GPC5: variants seen among roughly 807,000 people sequenced by gnomAD.
GPC5 encodes glypican 5.
Under a neutral mutation model 53.9 loss-of-function variants are expected in GPC5, and 47 were observed. The ratio of observed to expected loss-of-function variants is 0.87; its 90% CI spans 0.69 to 1.11. GPC5 has a LOEUF of 1.11. Among genes scored for constraint, GPC5 ranks in the 50% most tolerant of loss-of-function variants. The probability of loss-of-function intolerance (pLI) is 0.00; values close to 1 mark genes in which losing one functional copy is unlikely to be tolerated. For synonymous variants in GPC5, 286 were observed against 263.3 expected, an observed-to-expected ratio of 1.09 and a Z score of -0.84; for missense variants, 748 against 713.1, an observed-to-expected ratio of 1.05 and a Z score of -0.56.
chr13:92,592,462 C>T (rs1446414924), intron 7 of GPC5, among the ~76,000 whole-genome samples: 1 of 151,168 alleles, frequency 6.6e-6, no homozygotes, highest in Non-Finnish European at 1.5e-5. Flanking sequence ...ATGTCTAGTC[C>T]CTGCCAGGCA....
At position 92,699,755 on chromosome 13, in the gene GPC5, TC is replaced by T. The variant is rs1244152232; in HGVS notation, c.1562-166525del. Among the ~76,000 whole-genome samples the T allele has an allele frequency of 6.6e-5, 10 of 152,320 alleles. No homozygotes were observed. In the East Asian group the frequency reaches 1.9e-3, roughly 29 times the overall value. On this transcript the variant is annotated intron_variant, in intron 7 of 7. Coordinates refer to ENST00000377067, the MANE Select transcript of GPC5 (RefSeq NM_004466.6). ...GTGCAATTTTGAGTGAGTTTCTTAA[TC>T]CTGAGTTCTAATTTGATTGCACTGT... is the stretch of plus-strand genomic sequence containing the variant.
chr13:92,355,022 T>C (rs1251855935), intron 7 of GPC5, among the ~76,000 whole-genome samples: 1 of 151,408 alleles, frequency 6.6e-6, no homozygotes, highest in Non-Finnish European at 1.5e-5. Context: ...TAATTTAATA[T>C]TTAATAATCT....
At chr13:91,567,157 A>G (rs1014371016) in intron 2 of GPC5, among the ~76,000 whole-genome samples, 1 of 152,144 alleles carries the variant, frequency 6.6e-6, no homozygotes, top group African/African-American at 2.4e-5. Context: ...TACAGACTGA[A>G]TAGTTCAAAT....
chr13:91,492,561 C>G (rs1883998444), intron 2 of GPC5, among the ~76,000 whole-genome samples: 1 of 152,248 alleles, frequency 6.6e-6, no homozygotes, highest in Admixed American at 6.5e-5. Context: ...TCTTTTTGGT[C>G]TATTTAGTCC....
intron 2 of GPC5, among the ~76,000 whole-genome samples, chr13:91,476,643 G>A (rs2139198324): frequency 6.6e-6 from 1 of 152,260 alleles, no homozygotes; most frequent in South Asian, 2.1e-4. Flanking sequence ...TCCGTAAAAG[G>A]TATGCTCAGG....
intron 2 of GPC5, among the ~76,000 whole-genome samples, chr13:91,661,305 G>T (rs571855899): frequency 1.3e-5 from 2 of 152,294 alleles, no homozygotes; most frequent in African/African-American, 4.8e-5. Flanking sequence ...CAGCATTTTA[G>T]AATTGTTTTT....
intron 5 of GPC5, among the ~76,000 whole-genome samples, chr13:91,838,165 A>C (rs894066707): frequency 6.6e-6 from 1 of 152,136 alleles, no homozygotes; most frequent in African/African-American, 2.4e-5. Flanking sequence ...TGTGGATGAA[A>C]CTGAAAGTTT....
At chr13:92,228,981 T>C (rs567981328) in intron 7 of GPC5, among the ~76,000 whole-genome samples, 2 of 152,274 alleles carry the variant, frequency 1.3e-5, no homozygotes, top group South Asian at 2.1e-4. Context: ...AAGAATGATA[T>C]AAATTTTAAA....
intron 2 of GPC5, among the ~76,000 whole-genome samples, chr13:91,470,912 T>G (rs1179501136): frequency 6.6e-6 from 1 of 152,144 alleles, no homozygotes; most frequent in East Asian, 1.9e-4. Context: ...TCAGACAATT[T>G]CCCTTTCTCA....
chr13:91,639,753 G>A (rs996249817), intron 2 of GPC5, among the ~76,000 whole-genome samples: 2 of 152,142 alleles, frequency 1.3e-5, no homozygotes, highest in African/African-American at 4.8e-5. Context: ...TCTTCATTGT[G>A]TTCCTATTCA....
At chr13:91,760,232 A>G (rs1323361937) in intron 5 of GPC5, among the ~76,000 whole-genome samples, 5 of 152,348 alleles carry the variant, frequency 3.3e-5, no homozygotes, top group African/African-American at 1.2e-4. Flanking sequence ...GTTAATACAT[A>G]TGCTTCAATA....
intron 2 of GPC5, among the ~76,000 whole-genome samples, chr13:91,535,677 A>G (rs943599721): frequency 2.0e-5 from 3 of 152,178 alleles, no homozygotes; most frequent in Admixed American, 6.5e-5. Flanking sequence ...TAAAACGAAT[A>G]TACATAAAAA....
chr13:92,491,107 C>T (rs939133211), intron 7 of GPC5, among the ~76,000 whole-genome samples: 12 of 152,020 alleles, frequency 7.9e-5, no homozygotes, highest in African/African-American at 2.7e-4. Context: ...GATGTGTACT[C>T]AATTGCTGAT....
At chr13:91,747,823 A>C (rs2037084547) in intron 4 of GPC5, among the ~76,000 whole-genome samples, 1 of 152,208 alleles carries the variant, frequency 6.6e-6, no homozygotes, top group Non-Finnish European at 1.5e-5. Context: ...TTAATTAATT[A>C]AACAAGATGT....
intron 2 of GPC5, among the ~76,000 whole-genome samples, chr13:91,580,605 G>A (rs191987353): frequency 6.6e-6 from 1 of 152,082 alleles, no homozygotes; most frequent in East Asian, 1.9e-4. Context: ...TGTTTGCAGA[G>A]AATGTAACTG....
At chr13:91,621,506 A>G (rs75659520) in intron 2 of GPC5, among the ~76,000 whole-genome samples, 4,613 of 152,036 alleles carry the variant, frequency 0.03, 75 homozygotes, top group Middle Eastern at 0.051. Flanking sequence ...TTGGAATAGC[A>G]AAGCTCTCTT....
chr13:91,900,518 A>T (rs779336423), intron 5 of GPC5, among the ~76,000 whole-genome samples: 3 of 152,134 alleles, frequency 2.0e-5, no homozygotes, highest in Non-Finnish European at 4.4e-5. Flanking sequence ...AATTGATTAT[A>T]GTTATAATTG....
intron 6 of GPC5, among the ~76,000 whole-genome samples, chr13:92,036,053 T>G (rs1420473721): frequency 6.6e-6 from 1 of 152,150 alleles, no homozygotes; most frequent in Non-Finnish European, 1.5e-5. Context: ...TTCTATCACA[T>G]CAACCATATG....
intron 2 of GPC5, among the ~76,000 whole-genome samples, chr13:91,539,194 A>C (rs2138729060): frequency 6.6e-6 from 1 of 152,310 alleles, no homozygotes; most frequent in Non-Finnish European, 1.5e-5. Context: ...TAACATGTTG[A>C]AAAGCTTTTT....
Sources: allele counts gnomAD v4.1 joint callset (sites outside exome capture counted in the v4.1 genomes callset), GRCh38; gene constraint gnomAD v4.1.1; transcripts MANE v1.5; gene names NCBI Gene and HGNC (gene_info 2026-07-23, HGNC 2026-07-21).